Variants in SMYD3 observed in about 807,000 individuals in gnomAD.
The protein encoded by SMYD3 is SET and MYND domain containing 3.
SMYD3 carries 36 observed loss-of-function variants against 57.7 expected under a neutral mutation model. The observed-to-expected ratio is 0.62, with a 90% CI of 0.48 to 0.82. The LOEUF (loss-of-function observed/expected upper bound fraction) is 0.82. SMYD3 is among the 40% of genes least tolerant of loss of function. The pLI is 0.00. For synonymous variants in SMYD3, 211 were observed against 195.0 expected, an observed-to-expected ratio of 1.08 and a Z score of -0.68; for missense variants, 515 against 538.8, an observed-to-expected ratio of 0.96 and a Z score of 0.44.
chr1:246,309,094 G>A (rs548166204), intron 5 of SMYD3, among the ~76,000 whole-genome samples: 28 of 151,840 alleles, frequency 1.8e-4, no homozygotes, highest in African/African-American at 6.8e-4. Context: ...AACATCAAAG[G>A]TGCCTCCAAA....
chr1:245,876,953 C>T (rs558351053), intron 8 of SMYD3, among the ~76,000 whole-genome samples: 31 of 151,934 alleles, frequency 2.0e-4, no homozygotes, highest in Admixed American at 1.2e-3. Flanking sequence ...GAGGCAGAGC[C>T]CTCTGCCTGG....
intron 10 of SMYD3, among the ~76,000 whole-genome samples, chr1:245,813,357 A>G (rs1394535598): frequency 1.3e-5 from 2 of 152,084 alleles, no homozygotes; most frequent in Admixed American, 6.6e-5. Context: ...GATAAAATGT[A>G]TAAGGGTCAA....
chr1:246,136,050 G>C (rs950152554), intron 5 of SMYD3, among the ~76,000 whole-genome samples: 2 of 152,184 alleles, frequency 1.3e-5, no homozygotes, highest in Non-Finnish European at 2.9e-5. Context: ...TGTTAGATCA[G>C]AGAGTTATTG....
intron 5 of SMYD3, among the ~76,000 whole-genome samples, chr1:246,135,882 T>C (rs2061658630): frequency 1.3e-5 from 2 of 152,206 alleles, no homozygotes; most frequent in South Asian, 4.1e-4. Context: ...GTAAGTTTTC[T>C]GTCCTGTTTT....
At chr1:246,185,419 T>C (rs932046613) in intron 5 of SMYD3, among the ~76,000 whole-genome samples, 47 of 138,654 alleles carry the variant, frequency 3.4e-4, no homozygotes, top group African/African-American at 1.3e-3. Context: ...GTACTTTTAG[T>C]AGAGACAGGG....
chr1:245,856,535 C>T (rs761864297), intron 10 of SMYD3, among the ~76,000 whole-genome samples: 25 of 152,192 alleles, frequency 1.6e-4, no homozygotes, highest in Non-Finnish European at 3.2e-4. Flanking sequence ...CTTGGCCTCA[C>T]TTACAAGAAA....
chr1:246,465,342 A>G (rs556856273), intron 1 of SMYD3, among the ~76,000 whole-genome samples: 2 of 152,374 alleles, frequency 1.3e-5, no homozygotes, highest in Non-Finnish European at 2.9e-5. Context: ...AAACGAATTC[A>G]CAAATCAGTA....
intron 5 of SMYD3, among the ~76,000 whole-genome samples, chr1:246,223,835 A>C (rs1336441149): frequency 6.6e-6 from 1 of 152,158 alleles, no homozygotes; most frequent in South Asian, 2.1e-4. Context: ...GGAATACTTC[A>C]GTAATTACAA....
intron 5 of SMYD3, among the ~76,000 whole-genome samples, chr1:246,145,033 T>C (rs2061821535): frequency 1.3e-5 from 2 of 152,216 alleles, no homozygotes; most frequent in Non-Finnish European, 2.9e-5. Flanking sequence ...CTTCTTTCTT[T>C]AGACAAGGTC....
intron 5 of SMYD3, among the ~76,000 whole-genome samples, chr1:246,191,890 G>A (rs1044955231): frequency 1.3e-5 from 2 of 152,154 alleles, no homozygotes; most frequent in Non-Finnish European, 2.9e-5. Context: ...GTCCCACCCA[G>A]TCCTAATAAA....
At chr1:245,802,858 T>C (rs549872085) in intron 10 of SMYD3, among the ~76,000 whole-genome samples, 2 of 152,284 alleles carry the variant, frequency 1.3e-5, no homozygotes, top group African/African-American at 4.8e-5. Context: ...CTTGGGCAAA[T>C]CTCTTAAGTC....
intron 10 of SMYD3, among the ~76,000 whole-genome samples, chr1:245,852,229 T>G (rs2051014392): frequency 6.6e-6 from 1 of 152,228 alleles, no homozygotes; most frequent in Non-Finnish European, 1.5e-5. Flanking sequence ...TCAGAGGTGT[T>G]GAAGGGCCAG....
At position 245,856,590 on chromosome 1, in the gene SMYD3, G is replaced by A. The variant is rs560863500; in HGVS notation, c.1076+1906C>T. Among the ~76,000 whole-genome samples the A allele has an allele frequency of 1.5e-4, 23 of 152,354 alleles. 1 individual carries two copies. In the South Asian group the frequency reaches 4.8e-3, roughly 32 times the overall value. The stretch of plus-strand genomic sequence containing the variant: ...AGTCAAACTGCCAGCTACTTAAGGT[G>A]TAAGTTAGTGCCTCAAAGAGGCCCT... On this transcript the variant is annotated intron_variant, in intron 10 of 11. Coordinates refer to ENST00000490107, the MANE Select transcript of SMYD3 (RefSeq NM_001167740.2).
At chr1:246,167,222 T>C (rs2062231246) in intron 5 of SMYD3, among the ~76,000 whole-genome samples, 1 of 152,230 alleles carries the variant, frequency 6.6e-6, no homozygotes, top group Non-Finnish European at 1.5e-5. Flanking sequence ...CTTTTCACTA[T>C]TGTAAATACT....
chr1:246,121,576 C>T (rs183937703), intron 5 of SMYD3, among the ~76,000 whole-genome samples: 1 of 151,860 alleles, frequency 6.6e-6, no homozygotes, highest in African/African-American at 2.4e-5. Context: ...TTTTAGTCTA[C>T]ATATTTAATT....
At position 246,248,639 on chromosome 1, in the gene SMYD3, T is replaced by G. The variant is rs1380907077; in HGVS notation, c.531+78562A>C. Among the ~76,000 whole-genome samples the G allele has an allele frequency of 9.0e-5, 10 of 110,840 alleles. 2 individuals carry two copies. Among genetic ancestry groups the G allele is most frequent in the African/African-American group, 3.2e-4 (8 of 25,238 alleles). The allele number at this position is 110,840 out of a possible 152,430, so 72.7% of individuals were successfully genotyped here. A position where few individuals can be genotyped will look rare whatever the true frequency, so the allele number is the denominator to read the frequency against. On this transcript the variant is annotated intron_variant, in intron 5 of 11. Transcript: ENST00000490107. ...ATGCAAAAGCTCTCTGACTTTCCTT[T>G]TTTTTTTTTTTTTTTTTTTTGAGAT... is the stretch of plus-strand genomic sequence containing the variant.
intron 5 of SMYD3, among the ~76,000 whole-genome samples, chr1:246,278,346 G>GC (rs1473846484): frequency 6.6e-6 from 1 of 151,992 alleles, no homozygotes; most frequent in East Asian, 1.9e-4. Context: ...CCCTCGCCTT[G>GC]CCCCTTATGT....
intron 5 of SMYD3, among the ~76,000 whole-genome samples, chr1:246,255,286 TTTTGATGGATCTTATTA>T (rs142182702): frequency 0.13 from 19,027 of 150,622 alleles, 1,721 homozygotes; most frequent in East Asian, 0.34. Flanking sequence ...GATCTTATTA[TTTTGATGGATCTTATTA>T]TTTGATGGAT....
chr1:246,014,136 A>C (rs2059334952), intron 5 of SMYD3, among the ~76,000 whole-genome samples: 1 of 152,208 alleles, frequency 6.6e-6, no homozygotes, highest in African/African-American at 2.4e-5. Flanking sequence ...CAGCCTGGCC[A>C]ACATGGCGAA....
Sources: allele counts gnomAD v4.1 joint callset (sites outside exome capture counted in the v4.1 genomes callset), GRCh38; gene constraint gnomAD v4.1.1; transcripts MANE v1.5; gene names NCBI Gene and HGNC (gene_info 2026-07-23, HGNC 2026-07-21).